Variants in YIPF7 observed in about 807,000 individuals in gnomAD.
YIPF7 encodes Yip1 domain family member 7.
Under a neutral mutation model 27.2 loss-of-function variants are expected in YIPF7, and 35 were observed. That is an observed-to-expected ratio of 1.29 (90% CI 0.98 to 1.70). The LOEUF (loss-of-function observed/expected upper bound fraction) is 1.70, where lower values mean the gene tolerates loss of function less well. Among genes scored for constraint, YIPF7 ranks in the 40% most tolerant of loss-of-function variants. YIPF7 has a pLI of 0.00. For missense variants in YIPF7, 358 were observed against 303.7 expected, an observed-to-expected ratio of 1.18 and a Z score of -1.33; for synonymous variants, 137 against 110.4, an observed-to-expected ratio of 1.24 and a Z score of -1.51.
intron 3 of YIPF7, among the ~76,000 whole-genome samples, chr4:44,635,188 T>C (rs572463107): frequency 3.9e-5 from 6 of 152,160 alleles, no homozygotes; most frequent in Non-Finnish European, 5.9e-5. Context: ...GTTCTCCAAT[T>C]TAAATCCACT....
intron 3 of YIPF7, among the ~76,000 whole-genome samples, chr4:44,634,316 CAA>C (rs1713030286): frequency 6.6e-6 from 1 of 152,110 alleles, no homozygotes; most frequent in Non-Finnish European, 1.5e-5. Flanking sequence ...GTGGATCACC[CAA>C]AGTCAGGAGG....
chr4:44,648,528 T>A (rs1218746703), intron 2 of YIPF7, among the ~76,000 whole-genome samples: 1 of 152,136 alleles, frequency 6.6e-6, no homozygotes, highest in African/African-American at 2.4e-5. Flanking sequence ...AAAAACTCAA[T>A]ATATTGTATA....
At chr4:44,629,296 T>C in intron 4 of YIPF7, 107 bp downstream of exon 4, 2 of 1,256,190 alleles carry the variant, frequency 1.6e-6, no homozygotes, top group East Asian at 3.1e-5. Flanking sequence ...ACTTAAAAAA[T>C]TCACTATGTA....
Position 44,635,985 on chromosome 4 carries a change from A to T in YIPF7, c.217T>A (p.Ser73Thr). 6.2e-7 allele frequency: 1 copy of T among 1,613,940 alleles called. No homozygotes were observed. Among genetic ancestry groups the T allele is most frequent in the Non-Finnish European group, 8.5e-7 (1 of 1,179,842 alleles). The stretch of plus-strand genomic sequence containing the variant: ...TAAGGAGATTGTGAATAATAATCTG[A>T]GTTGGATGCTGGCTGAAAAAATTGT... ...AGQFFQPASNSDYYSQSPYID... is the reference protein window; with the variant it reads ...AGQFFQPASNTDYYSQSPYID... The change falls in exon 3 of 6, where the codon TCA (serine) becomes ACA (threonine). Residue 73 changes from serine to threonine, a missense_variant. Ser to Thr is a moderately conservative substitution (Grantham distance 58). Transcript: ENST00000415895.
intron 1 of YIPF7, among the ~76,000 whole-genome samples, chr4:44,651,121 C>T (rs1044453177): frequency 6.6e-6 from 1 of 152,192 alleles, no homozygotes; most frequent in Non-Finnish European, 1.5e-5. Flanking sequence ...ACAGCCTCAA[C>T]TCTAAAGGCA....
chr4:44,654,771 G>C (rs530346064), upstream of YIPF7, among the ~76,000 whole-genome samples: 42 of 151,996 alleles, frequency 2.8e-4, no homozygotes, highest in African/African-American at 8.9e-4. Flanking sequence ...TATCAATTCT[G>C]TCTCTTAAAT....
At chr4:44,644,254 C>A (rs760206691) in intron 2 of YIPF7, among the ~76,000 whole-genome samples, 22 of 152,218 alleles carry the variant, frequency 1.4e-4, no homozygotes, top group African/African-American at 5.1e-4. Flanking sequence ...GGTGTCCAAT[C>A]TTTTGGCTTC....
intron 2 of YIPF7, among the ~76,000 whole-genome samples, chr4:44,639,664 T>G (rs1713260740): frequency 6.6e-6 from 1 of 152,174 alleles, no homozygotes; most frequent in South Asian, 2.1e-4. Flanking sequence ...CAATTACCAA[T>G]TTGGATGGCT....
At chr4:44,623,709 G>C (rs981989738) in intron 5 of YIPF7, among the ~76,000 whole-genome samples, 1 of 152,088 alleles carries the variant, frequency 6.6e-6, no homozygotes, top group African/African-American at 2.4e-5. Context: ...TTAATGTACT[G>C]TATTCTTAGT....
upstream of YIPF7, among the ~76,000 whole-genome samples, chr4:44,656,470 T>C (rs1173998048): frequency 6.6e-6 from 1 of 152,098 alleles, no homozygotes; most frequent in Non-Finnish European, 1.5e-5. Flanking sequence ...TATTAATTAA[T>C]GAATATATAA....
chr4:44,660,113 C>CAAAAAAAAA lies in YIPF7; in HGVS notation c.-2+327_-2+335dup, dbSNP rs11461675. ...TGGGTGACAGAGCAAGACTCTGTCT[C>CAAAAAAAAA]AAAAAAAAAAAAAAAAAAAAAAACG... On this transcript the variant is annotated intron_variant, in intron 2 of 2. Transcript: ENST00000508947. 2.0e-3 allele frequency among the ~76,000 whole-genome samples: 51 copies of CAAAAAAAAA among 25,522 alleles called. 7 individuals carry two copies. The highest frequency in any genetic ancestry group is 4.8e-3 in the African/African-American group (42 of 8,696). The allele number at this position is 25,522 out of a possible 152,430, so 16.7% of individuals were successfully genotyped here. A position where few individuals can be genotyped will look rare whatever the true frequency, so the allele number is the denominator to read the frequency against.
intron 1 of YIPF7, among the ~76,000 whole-genome samples, chr4:44,661,933 C>G (rs1393098948): frequency 6.6e-6 from 1 of 152,240 alleles, no homozygotes; most frequent in Non-Finnish European, 1.5e-5. Context: ...TCAAGGCACT[C>G]ACAACTTTGA....
chr4:44,653,573 A>G (rs1713803271), upstream of YIPF7, among the ~76,000 whole-genome samples: 1 of 152,196 alleles, frequency 6.6e-6, no homozygotes, highest in Non-Finnish European at 1.5e-5. Context: ...GGGCCAACCA[A>G]TAGGTAGAGT....
chr4:44,629,496 G>C lies in YIPF7; in HGVS notation c.333C>G (p.Asn111Lys). 6.3e-7 allele frequency: 1 copy of C among 1,580,880 alleles called. No homozygotes were observed. Residue 111 changes from asparagine to lysine, a missense_variant, in exon 4 of 6, where the codon AAC (asparagine) becomes AAG (lysine). By Grantham distance (94) the Asn-to-Lys change is moderately conservative. Transcript: ENST00000415895. ...TGCTGCCATCTACTGGCTTCATTGG[G>C]TTTAACACTGTCAAAGTTTTTTGCC... ...HIWQKTLTVL[N>K]PMKPVDGSIM...
intron 4 of YIPF7, among the ~76,000 whole-genome samples, chr4:44,627,938 A>C (rs1490113125): frequency 6.6e-6 from 1 of 152,212 alleles, no homozygotes; most frequent in East Asian, 1.9e-4. Context: ...AACATTATGC[A>C]TCCAAGAGAG....
intron 2 of YIPF7, among the ~76,000 whole-genome samples, chr4:44,637,453 T>A (rs7438928): frequency 0.51 from 78,249 of 152,060 alleles, 21,433 homozygotes; most frequent in Non-Finnish European, 0.62. Context: ...TGGGGGAAGA[T>A]GATATCTCAC....
upstream of YIPF7, among the ~76,000 whole-genome samples, chr4:44,655,806 T>C (rs2109605325): frequency 6.6e-6 from 1 of 152,064 alleles, no homozygotes; most frequent in East Asian, 1.9e-4. Flanking sequence ...TTAAAGACCG[T>C]GCTGCTTCTA....
chr4:44,660,736 G>A (rs4311345), intron 1 of YIPF7: 82,886 of 151,990 alleles, frequency 0.55, 23,564 homozygotes, highest in Non-Finnish European at 0.64. Flanking sequence ...TTTTGAAAAT[G>A]TTACATTGCA....
At chr4:44,645,577 T>A (rs970134965) in intron 2 of YIPF7, among the ~76,000 whole-genome samples, 3 of 152,238 alleles carry the variant, frequency 2.0e-5, no homozygotes, top group Non-Finnish European at 4.4e-5. Context: ...ACTCTTCTCC[T>A]GTATTATGCA....
Sources: allele counts gnomAD v4.1 joint callset (sites outside exome capture counted in the v4.1 genomes callset), GRCh38; gene constraint gnomAD v4.1.1; transcripts MANE v1.5; gene names NCBI Gene and HGNC (gene_info 2026-07-23, HGNC 2026-07-21).